The following MMP1 variants were observed in gnomAD, a reference collection of about 807,000 sequenced individuals.
MMP1 encodes the protein matrix metallopeptidase 1.
In MMP1, 51 loss-of-function variants were observed where a neutral mutation model predicts 49.6. The observed-to-expected ratio is 1.03, with a 90% CI of 0.82 to 1.30. The LOEUF is 1.30. MMP1 is among the 50% of genes most tolerant of loss of function. The probability of loss-of-function intolerance (pLI) is 0.00; values close to 1 mark genes in which losing one functional copy is unlikely to be tolerated. For synonymous variants in MMP1, 230 were observed against 196.8 expected (o/e 1.17, Z -1.41); for missense variants, 623 against 568.7 (o/e 1.10, Z -0.97).
chr11:102,791,417 G>C lies in MMP1; in HGVS notation c.1112C>G (p.Pro371Arg), dbSNP rs773483749. ...PKDIYSSFGF[P>R]RTVKHIDAAL... ...AGCATCGATATGCTTCACAGTTCTA[G>C]GGAAGCCAAAGGAGCTGTAGATGTC... Residue 371 changes from proline (P) to arginine (R), a missense_variant, in exon 8 of 10, where the codon CCT becomes CGT. Pro to Arg is a moderately radical substitution (Grantham distance 103, BLOSUM62 -2). Transcript: ENST00000315274. 6.2e-6 allele frequency: 10 copies of C among 1,613,942 alleles called. No homozygotes were observed. Among genetic ancestry groups the C allele is most frequent in the Non-Finnish European group, 8.5e-6 (10 of 1,179,922 alleles).
chr11:102,790,882 C>A, intron 8 of MMP1, 76 bp from the exon 9 acceptor site: 2 of 819,674 alleles, frequency 2.4e-6, no homozygotes, highest in Admixed American at 2.0e-5. Context: ...AGAAAATACA[C>A]AATGAGGAAT....
intron 9 of MMP1, 78 bp downstream of exon 9, chr11:102,790,625 C>T: frequency 7.4e-7 from 1 of 1,346,228 alleles, no homozygotes; most frequent in South Asian, 1.2e-5. Flanking sequence ...ATATTTTTGG[C>T]ATTTGCTGTT....
In MMP1 at chr11:102,796,783, C is replaced by T. The variant is rs777734643; in HGVS notation, c.506G>A (p.Arg169Gln). Reference sequence around the variant, plus strand: ...AGGTCCATCAAAAGGAGAGTTGTCCCGATGATCTGAAAGAAACAATTCAAC... The same window carrying T: ...AGGTCCATCAAAAGGAGAGTTGTCCTGATGATCTGAAAGAAACAATTCAAC... ...IMISFVRGDH[R>Q]DNSPFDGPGG... The change falls in exon 4 of 10, where the codon CGG (arginine) becomes CAG (glutamine). Residue 169 changes from arginine to glutamine, a missense_variant. Coordinates refer to ENST00000315274, the MANE Select transcript of MMP1 (RefSeq NM_002421.4). 1.7e-5 allele frequency: 28 copies of T among 1,612,574 alleles called. No homozygotes were observed. The highest frequency in any genetic ancestry group is 2.7e-5 in the African/African-American group (2 of 74,826).
intron 7 of MMP1, 87 bp downstream of exon 7, chr11:102,792,518 G>T: frequency 1.5e-6 from 2 of 1,326,670 alleles, no homozygotes; most frequent in Non-Finnish European, 2.1e-6. Context: ...TCCCTGGAGA[G>T]AATGTAGCTA....
In MMP1 at chr11:102,795,309, C is replaced by A; in HGVS notation, c.782-18G>T. The stretch of plus-strand genomic sequence containing the variant: ...GGAACGTCCTAAGGAAAATAAAATA[C>A]CTAGAGTTAGTTTTGCCTAGTATTA... On this transcript the variant is annotated intron_variant, in intron 5 of 9. Coordinates refer to ENST00000315274, the MANE Select transcript of MMP1 (RefSeq NM_002421.4). The A allele has an allele frequency of 1.9e-6, 3 of 1,612,382 alleles. No homozygotes were observed. The highest frequency in any genetic ancestry group is 2.5e-6 in the Non-Finnish European group (3 of 1,178,716).
At chr11:102,792,287 C>T (rs1405084528) in intron 7 of MMP1, among the ~76,000 whole-genome samples, 1 of 152,098 alleles carries the variant, frequency 6.6e-6, no homozygotes. Flanking sequence ...CATAGTGTCT[C>T]GAGTTTTACT....
At chr11:102,791,277 A>C in intron 8 of MMP1, 56 bp downstream of exon 8, 1 of 1,597,510 alleles carries the variant, frequency 6.3e-7, no homozygotes, top group Non-Finnish European at 8.6e-7. Context: ...GGGCTATTCT[A>C]GAACTTTTTA....
intron 2 of MMP1, 23 bp from the exon 3 acceptor site, chr11:102,797,185 A>G (rs1212396751): frequency 6.2e-7 from 1 of 1,613,550 alleles, no homozygotes; most frequent in Non-Finnish European, 8.5e-7. Flanking sequence ...CAAAATAGAG[A>G]CACATTGGAC....
At position 102,795,261 on chromosome 11, in the gene MMP1, C is replaced by G. The variant is rs374600625; in HGVS notation, c.812G>C (p.Gly271Ala). 13 of 1,613,826 alleles carry G rather than the reference C, an allele frequency of 8.1e-6. 1 individual carries two copies. In the African/African-American group the frequency reaches 1.6e-4, roughly 20 times the overall value. ...GRSQNPVQPI[G>A]PQTPKACDSK... is the part of the protein sequence containing the mutation. Reference sequence around the variant, plus strand: ...GTCACACGCTTTTGGGGTTTGTGGGCCGATGGGCTGGACAGGATTTTGGGA... The same window carrying G: ...GTCACACGCTTTTGGGGTTTGTGGGGCGATGGGCTGGACAGGATTTTGGGA... The change falls in exon 6 of 10, where the codon GGC becomes GCC. Residue 271 changes from glycine (G) to alanine (A), a missense_variant. Coordinates refer to ENST00000315274, the MANE Select transcript of MMP1 (RefSeq NM_002421.4).
chr11:102,796,901 G>C, intron 3 of MMP1, 112 bp from the exon 4 acceptor site: 1 of 1,532,546 alleles, frequency 6.5e-7, no homozygotes, highest in Middle Eastern at 1.8e-4. Context: ...CTGTGATGCA[G>C]TTTCCCTCTT....
intron 9 of MMP1, 86 bp from the exon 10 acceptor site, chr11:102,790,607 G>T: frequency 7.6e-7 from 1 of 1,312,010 alleles, no homozygotes. Context: ...ATTCATCTGT[G>T]AGCACAGATA....
chr11:102,791,685 G>C (rs1310130989), intron 7 of MMP1, among the ~76,000 whole-genome samples, 190 bp from the exon 8 acceptor site: 1 of 152,120 alleles, frequency 6.6e-6, no homozygotes, highest in Non-Finnish European at 1.5e-5. Flanking sequence ...GTCTATCTTT[G>C]GAAGCTTCTT....
intron 6 of MMP1, among the ~76,000 whole-genome samples, chr11:102,793,518 G>A (rs1229291125): frequency 6.6e-6 from 1 of 152,160 alleles, no homozygotes; most frequent in Non-Finnish European, 1.5e-5. Context: ...GATCGGCTGT[G>A]CACATTACCA....
chr11:102,792,464 TG>T, intron 7 of MMP1, 140 bp downstream of exon 7: 1 of 821,866 alleles, frequency 1.2e-6, no homozygotes, highest in Non-Finnish European at 1.9e-6. Context: ...GTTAAGTTGA[TG>T]GACTTTCATT....
chr11:102,792,649 G>T lies in MMP1; in HGVS notation c.989C>A (p.Ala330Asp), dbSNP rs1170209814. Reference protein sequence around the residue: ...FWPQLPNGLEAAYEFADRDEV... With the variant: ...FWPQLPNGLEDAYEFADRDEV... Reference sequence around the variant, plus strand: ...ATCTCTGTCGGCAAATTCGTAAGCAGCTTCAAGCCCATTTGGCAGTTGTGG... The same window carrying T: ...ATCTCTGTCGGCAAATTCGTAAGCATCTTCAAGCCCATTTGGCAGTTGTGG... Residue 330 changes from alanine to aspartate, a missense_variant, in exon 7 of 10, where the codon GCT becomes GAT. Ala to Asp is a moderately radical substitution (Grantham distance 126, BLOSUM62 -2). Transcript: ENST00000315274. The T allele has an allele frequency of 6.2e-7, 1 of 1,613,874 alleles. No individual in the cohort carries two copies. Among genetic ancestry groups the T allele is most frequent in the Non-Finnish European group, 8.5e-7 (1 of 1,179,894 alleles).
At position 102,795,542 on chromosome 11, in the gene MMP1, C is replaced by G; in HGVS notation, c.691G>C (p.Asp231His). Residue 231 changes from aspartate (D) to histidine (H), a missense_variant, in exon 5 of 10, where the codon GAT (aspartate) becomes CAT (histidine). By Grantham distance (81) the Asp-to-His change is moderately conservative. Coordinates refer to ENST00000315274, the MANE Select transcript of MMP1 (RefSeq NM_002421.4). ...CTAGGGTACATCAAAGCCCCGATAT[C>G]AGTAGAATGGGAGAGTCCAAGAGAA... ...GHSLGLSHST[D>H]IGALMYPSYT... 3.1e-6 allele frequency: 5 copies of G among 1,613,996 alleles called. No individual in the cohort carries two copies. The highest frequency in any genetic ancestry group is 4.2e-6 in the Non-Finnish European group (5 of 1,179,974).
rs1476806631 is a variant in MMP1, at chr11:102,794,652, C to A, written c.899+522G>T. Among the ~76,000 whole-genome samples, 5 of 152,188 alleles carry A rather than the reference C, an allele frequency of 3.3e-5. No homozygotes were observed. Among genetic ancestry groups the A allele is most frequent in the East Asian group, 1.9e-4 (1 of 5,202 alleles). On this transcript the variant is annotated intron_variant, in intron 6 of 9. Coordinates refer to ENST00000315274, the MANE Select transcript of MMP1 (RefSeq NM_002421.4). This position sits in a 1 kb window ranked among gnomAD's most constrained non-coding sequence, Gnocchi z 4.3. ...CTGGGCCTCCAGGGGGCAACAGAGA[C>A]CCTTCAAGTTAATAGGCTTTGGGAG...
At position 102,795,613 on chromosome 11, in the gene MMP1, A is replaced by C. The variant is rs1326447211; in HGVS notation, c.626-6T>G. The C allele has an allele frequency of 3.8e-6, 6 of 1,598,222 alleles. No individual in the cohort carries two copies. Among genetic ancestry groups the C allele is most frequent in the Non-Finnish European group, 5.1e-6 (6 of 1,174,674 alleles). The stretch of plus-strand genomic sequence containing the variant: ...AACACGATGTAAGTTGTACTCTAAA[A>C]AGGCCAATAAATCAATTTGTAATTA... On this transcript the variant is annotated splice_polypyrimidine_tract_variant and splice_region_variant and intron_variant, in intron 4 of 9. Coordinates refer to ENST00000315274, the MANE Select transcript of MMP1 (RefSeq NM_002421.4).
chr11:102,797,946 A>G, intron 1 of MMP1, 42 bp downstream of exon 1: 1 of 1,438,734 alleles, frequency 7.0e-7, no homozygotes, highest in Non-Finnish European at 9.6e-7. Context: ...AAAAATACAA[A>G]CTAAAAATTT....
Sources: allele counts gnomAD v4.1 joint callset (sites outside exome capture counted in the v4.1 genomes callset), GRCh38; gene constraint gnomAD v4.1.1; non-coding constraint Gnocchi (gnomAD v3.1); transcripts MANE v1.5; gene names NCBI Gene and HGNC (gene_info 2026-07-23, HGNC 2026-07-21).